MYO1H: variants seen among roughly 807,000 people sequenced by gnomAD.
MYO1H encodes the protein unconventional myosin-Ih.
In MYO1H, 118 loss-of-function variants were observed where a neutral mutation model predicts 149.3. The observed-to-expected ratio is 0.79, with a 90% CI of 0.68 to 0.92. The LOEUF is 0.92. Ranked by LOEUF, MYO1H falls within the 40% of genes least tolerant of loss-of-function variation. The probability of loss-of-function intolerance (pLI) is 0.00; values close to 1 mark genes in which losing one functional copy is unlikely to be tolerated. For synonymous variants in MYO1H, 447 were observed against 465.2 expected, an observed-to-expected ratio of 0.96 and a Z score of 0.50; for missense variants, 1,212 against 1,280.7, an observed-to-expected ratio of 0.95 and a Z score of 0.82.
In MYO1H at chr12:109,440,845, G is replaced by GCGGTGGC; in HGVS notation, c.2538+25_2538+31dup. 1 of 1,543,506 alleles carries GCGGTGGC rather than the reference G, an allele frequency of 6.5e-7. No homozygotes were observed. The highest frequency in any genetic ancestry group is 8.8e-7 in the Non-Finnish European group (1 of 1,138,988). On this transcript the variant is annotated intron_variant, in intron 25 of 31. Coordinates refer to ENST00000310903, the Ensembl canonical transcript of MYO1H. ...AAGCAATGGTAGGGACATGATGTCT[G>GCGGTGGC]CGGTGGCCGGTGGTGGGGGTGGGTG...
At chr12:109,441,529 GGA>G (rs1872127561) in intron 25 of MYO1H, 84 bp from the exon 26 acceptor site, 5 of 799,950 alleles carry the variant, frequency 6.3e-6, no homozygotes, top group Non-Finnish European at 9.8e-6. Context: ...ATCCAGCAAA[GGA>G]TGTGACCTCA....
At chr12:109,413,330 G>T (rs1566033581) in intron 14 of MYO1H, among the ~76,000 whole-genome samples, 1 of 152,136 alleles carries the variant, frequency 6.6e-6, no homozygotes, top group African/African-American at 2.4e-5. Flanking sequence ...CAAGATGGGG[G>T]TTATTAACAT....
intron 1 of MYO1H, among the ~76,000 whole-genome samples, chr12:109,351,846 G>A (rs546646454): frequency 1.3e-5 from 2 of 152,162 alleles, no homozygotes; most frequent in Admixed American, 6.6e-5. Context: ...ATTTCATTTA[G>A]TCTCTGCTTG....
intron 1 of MYO1H, among the ~76,000 whole-genome samples, chr12:109,360,003 G>A (rs919850653): frequency 1.3e-5 from 2 of 152,134 alleles, no homozygotes; most frequent in African/African-American, 2.4e-5. Flanking sequence ...GCGGCCGGAC[G>A]GTCAGCCCTT....
At chr12:109,413,564 G>A (rs1870764929) in intron 14 of MYO1H, among the ~76,000 whole-genome samples, 1 of 152,224 alleles carries the variant, frequency 6.6e-6, no homozygotes, top group Non-Finnish European at 1.5e-5. Flanking sequence ...ATATCACTGT[G>A]CAATGAATAA....
At chr12:109,397,926 A>C (rs1208223843) in intron 5 of MYO1H, 114 bp downstream of exon 5, 15 of 652,168 alleles carry the variant, frequency 2.3e-5, no homozygotes, top group Non-Finnish European at 3.5e-5. Flanking sequence ...AGCTATTTAA[A>C]AAAATATCCA....
chr12:109,367,497 A>T (rs1037040039), intron 1 of MYO1H, among the ~76,000 whole-genome samples: 1 of 152,180 alleles, frequency 6.6e-6, no homozygotes, highest in East Asian at 1.9e-4. Context: ...AGTTTGTGGA[A>T]GGGGAAGTTG....
At chr12:109,419,871 C>T (rs1447535033) in intron 15 of MYO1H, among the ~76,000 whole-genome samples, 1 of 104,306 alleles carries the variant, frequency 9.6e-6, no homozygotes, top group Non-Finnish European at 1.9e-5. Context: ...GCTCCCCCAA[C>T]TTAAAAAAAA....
intron 23 of MYO1H, among the ~76,000 whole-genome samples, chr12:109,438,874 G>A (rs147853250): frequency 6.6e-6 from 1 of 152,352 alleles, no homozygotes; most frequent in Non-Finnish European, 1.5e-5. Context: ...TCTGATGCCA[G>A]GCAGGTAAAG....
chr12:109,342,901 A>T, the MYO1H span, among the ~76,000 whole-genome samples: 2 of 151,958 alleles, frequency 1.3e-5, no homozygotes, highest in Non-Finnish European at 2.9e-5. Context: ...AAATATTTTT[A>T]TGACTGATTA....
chr12:109,443,009 A>AATATATATAT (rs1335069078), intron 27 of MYO1H, among the ~76,000 whole-genome samples: 1 of 58,492 alleles, frequency 1.7e-5, no homozygotes, highest in African/African-American at 1.1e-4. Flanking sequence ...AAAAAAAAAA[A>AATATATATAT]ATATATATAT....
chr12:109,408,180 A>G (rs1566031312), intron 10 of MYO1H, among the ~76,000 whole-genome samples: 1 of 151,932 alleles, frequency 6.6e-6, no homozygotes, highest in Non-Finnish European at 1.5e-5. Flanking sequence ...TTTATTTTTT[A>G]TTTTTATTTT....
chr12:109,352,227 T>C (rs1421684210), intron 1 of MYO1H, among the ~76,000 whole-genome samples: 1 of 152,180 alleles, frequency 6.6e-6, no homozygotes, highest in Non-Finnish European at 1.5e-5. Context: ...GTAGAAAGGA[T>C]CTTTTAAACG....
chr12:109,317,499 A>G, the MYO1H span, among the ~76,000 whole-genome samples: 1 of 152,326 alleles, frequency 6.6e-6, no homozygotes, highest in African/African-American at 2.4e-5. Flanking sequence ...ATATTCTCAG[A>G]GAAAAATACA....
intron 31 of MYO1H, 29 bp downstream of exon 31, chr12:109,445,641 A>T: frequency 6.2e-7 from 1 of 1,601,006 alleles, no homozygotes; most frequent in Non-Finnish European, 8.5e-7. Flanking sequence ...GAGGGAAGTA[A>T]GCCGTTTTAG....
the MYO1H span, among the ~76,000 whole-genome samples, chr12:109,332,111 A>T: frequency 6.6e-6 from 1 of 152,198 alleles, no homozygotes; most frequent in African/African-American, 2.4e-5. Context: ...CTGTACTGGG[A>T]TTTGCTATCT....
At chr12:109,388,289 T>C (rs73403746) in intron 1 of MYO1H, among the ~76,000 whole-genome samples, 2,482 of 152,282 alleles carry the variant, frequency 0.016, 67 homozygotes, top group African/African-American at 0.057. Flanking sequence ...CAAGTCTGGG[T>C]ATGTTGTCTA....
the MYO1H span, among the ~76,000 whole-genome samples, chr12:109,319,638 A>G: frequency 8.5e-5 from 13 of 152,184 alleles, no homozygotes; most frequent in Middle Eastern, 3.2e-3. Flanking sequence ...ACAAGTTAGG[A>G]AAACCTTTGC....
rs770842306 is a variant in MYO1H, at chr12:109,395,322, G to A, written c.291-1062G>A. 1.9e-4 allele frequency among the ~76,000 whole-genome samples: 29 copies of A among 152,316 alleles called. No individual in the cohort carries two copies. The South Asian group carries it at 2.5e-3, about 13-fold the overall frequency. On this transcript the variant is annotated intron_variant, in intron 3 of 31. Coordinates refer to ENST00000310903, the Ensembl canonical transcript of MYO1H. Reference sequence around the variant, plus strand: ...ATTGAATTGAATTATTTAGTATTTAGACAAGATTGTTATTTTCATCTAGAG... The same window carrying A: ...ATTGAATTGAATTATTTAGTATTTAAACAAGATTGTTATTTTCATCTAGAG...
Sources: allele counts gnomAD v4.1 joint callset (sites outside exome capture counted in the v4.1 genomes callset), GRCh38; gene constraint gnomAD v4.1.1; transcripts MANE v1.5; gene names NCBI Gene and HGNC (gene_info 2026-07-23, HGNC 2026-07-21).